SLC24A3: variants seen among roughly 807,000 people sequenced by gnomAD.
The protein encoded by SLC24A3 is sodium/potassium/calcium exchanger 3.
Under a neutral mutation model 75.8 loss-of-function variants are expected in SLC24A3, and 28 were observed. The ratio of observed to expected loss-of-function variants is 0.37; its 90% CI spans 0.27 to 0.51. The LOEUF is 0.51. Ranked by LOEUF, SLC24A3 falls within the 20% of genes least tolerant of loss-of-function variation. SLC24A3 has a pLI of 0.94. For missense variants in SLC24A3, 663 were observed against 847.8 expected (o/e 0.78, Z 2.71); for synonymous variants, 372 against 334.1 (o/e 1.11, Z -1.24).
At chr20:19,273,929 G>A (rs3790170) in intron 1 of SLC24A3, among the ~76,000 whole-genome samples, 26,777 of 150,870 alleles carry the variant, frequency 0.18, 3,539 homozygotes, top group East Asian at 0.69. Context: ...TATCAATTGA[G>A]CCTTTTCAGT....
intron 2 of SLC24A3, among the ~76,000 whole-genome samples, chr20:19,375,740 C>CCT (rs1247933723): frequency 6.9e-6 from 1 of 144,618 alleles, no homozygotes; most frequent in Non-Finnish European, 1.5e-5. Context: ...CTGGGCTGTG[C>CCT]CTCTGGCCAA....
chr20:19,663,408 ACCT>A (rs1202385635), intron 7 of SLC24A3, among the ~76,000 whole-genome samples: 2 of 13,330 alleles, frequency 1.5e-4, no homozygotes, highest in Non-Finnish European at 3.7e-4. Context: ...CTCCTCCTCC[ACCT>A]CCTCCTCCTC....
At chr20:19,387,111 G>A (rs1436792614) in intron 2 of SLC24A3, among the ~76,000 whole-genome samples, 4 of 151,924 alleles carry the variant, frequency 2.6e-5, no homozygotes, top group Non-Finnish European at 5.9e-5. Flanking sequence ...ATTTATTCTA[G>A]GTTATCCAAT....
Position 19,628,447 on chromosome 20 carries a change from A to C in SLC24A3, c.613-25615A>C, listed in dbSNP as rs930638327. On this transcript the variant is annotated intron_variant, in intron 6 of 16. Transcript: ENST00000328041. Reference sequence around the variant, plus strand: ...GGTTACAGGACCCCAGGTGAGTACAACACCAAGAAGAGACACATTGGAGGA... The same window carrying C: ...GGTTACAGGACCCCAGGTGAGTACACCACCAAGAAGAGACACATTGGAGGA... Among the ~76,000 whole-genome samples, 4 of 152,118 alleles carry C rather than the reference A, an allele frequency of 2.6e-5. No homozygotes were observed. The East Asian group carries it at 7.7e-4, about 29-fold the overall frequency.
intron 1 of SLC24A3, among the ~76,000 whole-genome samples, chr20:19,240,371 G>A (rs112046041): frequency 1.0e-3 from 153 of 152,332 alleles, no homozygotes; most frequent in African/African-American, 2.9e-3. Flanking sequence ...AGAAGGAGAA[G>A]TAGCTCTGAA....
At chr20:19,223,340 T>C (rs1981783568) in intron 1 of SLC24A3, among the ~76,000 whole-genome samples, 1 of 152,160 alleles carries the variant, frequency 6.6e-6, no homozygotes, top group African/African-American at 2.4e-5. Flanking sequence ...CTCTTACACA[T>C]TTTCCCATTT....
chr20:19,585,382 C>T, intron 5 of SLC24A3, 59 bp from the exon 6 acceptor site: 1 of 1,516,160 alleles, frequency 6.6e-7, no homozygotes, highest in Non-Finnish European at 9.1e-7. Flanking sequence ...GTTCCCCATG[C>T]CCACCTTGGA....
intron 3 of SLC24A3, among the ~76,000 whole-genome samples, chr20:19,541,890 G>A (rs1397364845): frequency 6.6e-6 from 1 of 152,170 alleles, no homozygotes; most frequent in African/African-American, 2.4e-5. Context: ...ACACACTGTG[G>A]TGCTCCTACT....
intron 2 of SLC24A3, among the ~76,000 whole-genome samples, chr20:19,301,018 C>T (rs1324337147): frequency 2.0e-5 from 3 of 152,140 alleles, no homozygotes; most frequent in African/African-American, 7.2e-5. Flanking sequence ...TAGGTTGTGA[C>T]CTCCACACCG....
chr20:19,340,685 G>A (rs188266176), intron 2 of SLC24A3, among the ~76,000 whole-genome samples: 27 of 152,272 alleles, frequency 1.8e-4, no homozygotes, highest in Admixed American at 1.5e-3. Flanking sequence ...GTTGGGAACC[G>A]CTTGGCAACT....
chr20:19,650,863 C>G (rs1419986080), intron 6 of SLC24A3, among the ~76,000 whole-genome samples: 1 of 152,126 alleles, frequency 6.6e-6, no homozygotes, highest in Non-Finnish European at 1.5e-5. Flanking sequence ...ATTCTTAGAG[C>G]TCTCCAATCT....
chr20:19,537,404 C>T (rs1051631449), intron 3 of SLC24A3, among the ~76,000 whole-genome samples: 3 of 152,028 alleles, frequency 2.0e-5, no homozygotes, highest in Admixed American at 6.6e-5. Context: ...TGTGGAGAAA[C>T]AGGAACACTT....
rs184861849 is a variant in SLC24A3, at chr20:19,339,173, T to A, written c.271+58086T>A. On this transcript the variant is annotated intron_variant, in intron 2 of 16. Coordinates refer to ENST00000328041, the MANE Select transcript of SLC24A3 (RefSeq NM_020689.4). ...GAGCTTCCTTTTATACCCTCCCTGT[T>A]GTAATTCCATGGGGAGTTCATCGGG... Among the ~76,000 whole-genome samples the A allele has an allele frequency of 8.8e-4, 134 of 152,314 alleles. 1 individual carries two copies. The Middle Eastern group carries it at 0.02, about 23-fold the overall frequency.
chr20:19,219,113 A>C (rs1367220435), intron 1 of SLC24A3, among the ~76,000 whole-genome samples: 1 of 152,178 alleles, frequency 6.6e-6, no homozygotes, highest in African/African-American at 2.4e-5. Flanking sequence ...TAAGGACCCA[A>C]ATGGAAGAAG....
At chr20:19,717,205 G>A (rs910882437) in intron 15 of SLC24A3, among the ~76,000 whole-genome samples, 1 of 152,222 alleles carries the variant, frequency 6.6e-6, no homozygotes, top group African/African-American at 2.4e-5. Context: ...ACAGGGATGT[G>A]TTGTGGGCCA....
chr20:19,692,209 A>G (rs2032752252), intron 12 of SLC24A3, among the ~76,000 whole-genome samples: 1 of 152,338 alleles, frequency 6.6e-6, no homozygotes, highest in South Asian at 2.1e-4. Context: ...TGGTTCAATC[A>G]TTTTGGAAAA....
At chr20:19,491,378 C>T (rs1472648722) in intron 2 of SLC24A3, among the ~76,000 whole-genome samples, 1 of 152,204 alleles carries the variant, frequency 6.6e-6, no homozygotes, top group Non-Finnish European at 1.5e-5. Context: ...ATGCTTGGTT[C>T]CCTAGCACCA....
At chr20:19,625,087 A>G (rs926558153) in intron 6 of SLC24A3, among the ~76,000 whole-genome samples, 2 of 152,166 alleles carry the variant, frequency 1.3e-5, no homozygotes, top group Non-Finnish European at 1.5e-5. Context: ...AGTTCTTGTC[A>G]TAAGAGTGGA....
chr20:19,241,844 G>T (rs1261823845), intron 1 of SLC24A3, among the ~76,000 whole-genome samples: 1 of 152,192 alleles, frequency 6.6e-6, no homozygotes, highest in Non-Finnish European at 1.5e-5. Flanking sequence ...GACAATGGGG[G>T]TCATTTTACT....
Sources: gnomAD v4.1 joint callset for allele counts (sites outside exome capture counted in the v4.1 genomes callset) on GRCh38, gnomAD v4.1.1 for gene constraint, MANE v1.5 for transcripts, NCBI Gene and HGNC (gene_info 2026-07-23, HGNC 2026-07-21) for gene names.